Variants in LPL observed in about 807,000 individuals in gnomAD.
LPL encodes the protein lipoprotein lipase, also known as phospholipase A1.
Under a neutral mutation model 52.2 loss-of-function variants are expected in LPL, and 43 were observed. The ratio of observed to expected loss-of-function variants is 0.82; its 90% CI spans 0.64 to 1.06. The LOEUF (loss-of-function observed/expected upper bound fraction) is 1.06. Among genes scored for constraint, LPL ranks in the 50% least tolerant of loss-of-function variants. LPL has a pLI of 0.00. For synonymous variants in LPL, 244 were observed against 215.6 expected (o/e 1.13, Z -1.15); for missense variants, 639 against 585.3 (o/e 1.09, Z -0.95).
At chr8:19,945,383 G>A (rs28645722) in intron 1 of LPL, among the ~76,000 whole-genome samples, 11,466 of 152,124 alleles carry the variant, frequency 0.075, 1,088 homozygotes, top group African/African-American at 0.23. Context: ...ACTAAGTGCC[G>A]ATAAGATTTA....
At chr8:19,962,053 C>T in intron 8 of LPL, 62 bp from the exon 9 acceptor site, 1 of 1,107,672 alleles carries the variant, frequency 9.0e-7, no homozygotes, top group Non-Finnish European at 1.4e-6. Context: ...CAGAACTGTA[C>T]CTTTGTGAAC....
At chr8:19,943,452 C>T (rs1285916362) in intron 1 of LPL, among the ~76,000 whole-genome samples, 5 of 152,148 alleles carry the variant, frequency 3.3e-5, no homozygotes, top group Admixed American at 1.3e-4. Context: ...AAAAGAATAG[C>T]GTCCCCATGT....
intron 5 of LPL, among the ~76,000 whole-genome samples, chr8:19,954,669 T>C (rs1340310461): frequency 1.3e-5 from 2 of 152,194 alleles, no homozygotes; most frequent in Non-Finnish European, 2.9e-5. Flanking sequence ...CCACATGTTG[T>C]CATACCTTGA....
intron 4 of LPL, among the ~76,000 whole-genome samples, chr8:19,953,659 G>A (rs563357620): frequency 6.6e-6 from 1 of 152,242 alleles, no homozygotes; most frequent in Admixed American, 6.5e-5. Flanking sequence ...TACACACAAT[G>A]CCTGCAGATT....
chr8:19,946,649 G>C (rs535072824), intron 1 of LPL: 22 of 183,744 alleles, frequency 1.2e-4, no homozygotes, highest in Non-Finnish European at 2.1e-4. Context: ...CTGAAATTTC[G>C]AACGGCAAAA....
rs746656081 is a variant in LPL at position 19,944,945 on chromosome 8, C to T, written c.89-3235C>T. 2.0e-5 allele frequency among the ~76,000 whole-genome samples: 3 copies of T among 151,980 alleles called. No individual in the cohort carries two copies. In the East Asian group the frequency reaches 5.8e-4, roughly 29 times the overall value. ...TGCTAAGTTAAATTCAGAATGAAGG[C>T]CTGCCTTTCCTTCCCTCCTTCCTTC... On this transcript the variant is annotated intron_variant, in intron 1 of 9. Coordinates refer to ENST00000650287, the MANE Select transcript of LPL (RefSeq NM_000237.3). The surrounding 1 kb of genome is among the most constrained non-coding windows in gnomAD (Gnocchi z 4.2).
At chr8:19,959,788 T>TC (rs2070021478) in intron 7 of LPL, among the ~76,000 whole-genome samples, 3 of 129,978 alleles carry the variant, frequency 2.3e-5, no homozygotes, top group Non-Finnish European at 3.3e-5. Context: ...TTTTTTTTTT[T>TC]TTTTTTTTTT....
intron 1 of LPL, among the ~76,000 whole-genome samples, chr8:19,945,951 G>A (rs1302883519): frequency 2.0e-5 from 3 of 152,174 alleles, no homozygotes; most frequent in African/African-American, 7.2e-5. Flanking sequence ...GGGAGAGGGT[G>A]AAATTAGTTT....
intron 1 of LPL, 41 bp from the exon 2 acceptor site, chr8:19,948,139 C>A: frequency 6.3e-7 from 1 of 1,591,262 alleles, no homozygotes; most frequent in East Asian, 2.2e-5. Flanking sequence ...TAAAATCAAG[C>A]AACCCTCCAG....
chr8:19,951,578 G>C, intron 2 of LPL, 191 bp from the exon 3 acceptor site: 4 of 705,532 alleles, frequency 5.7e-6, no homozygotes, highest in Non-Finnish European at 1.0e-5. Flanking sequence ...ATGCCTTCCT[G>C]GCTTACTTAG....
rs2069936590 is a variant in LPL, at chr8:19,951,810, C to T, written c.291C>T (p.Ala97=). The part of the protein sequence containing the change: ...MYESWVPKLV[A]ALYKREPDSN... ...AGAGTTGGGTGCCAAAACTTGTGGC[C>T]GCCCTGTACAAGAGAGAACCAGACT... Residue 97 remains alanine, a synonymous_variant, in exon 3 of 10, where the codon GCC becomes GCT. Coordinates refer to ENST00000650287, the MANE Select transcript of LPL (RefSeq NM_000237.3). 2 of 1,613,936 alleles carry T rather than the reference C, an allele frequency of 1.2e-6. No homozygotes were observed. The highest frequency in any genetic ancestry group is 1.3e-5 in the African/African-American group (1 of 74,882).
intron 4 of LPL, among the ~76,000 whole-genome samples, chr8:19,953,911 G>A (rs995656403): frequency 6.6e-6 from 1 of 152,152 alleles, no homozygotes; most frequent in African/African-American, 2.4e-5. Flanking sequence ...GGAAACTGCT[G>A]CATAAGGCTA....
At position 19,952,184 on chromosome 8, in the gene LPL, T is replaced by C. The variant is rs73667472; in HGVS notation, c.429+236T>C. On this transcript the variant is annotated intron_variant, in intron 3 of 9. Transcript: ENST00000650287. ...TATCGTTTGATATTTTCACAGTGAA[T>C]AGATCTGCTGAGACCAATAACTAAG... Among the ~76,000 whole-genome samples, 15,023 of 152,164 alleles carry C rather than the reference T, an allele frequency of 0.099. 908 individuals are homozygous for C. Among genetic ancestry groups the C allele is most frequent in the African/African-American group, 0.16 (6,586 of 41,482 alleles).
chr8:19,948,595 G>C, intron 2 of LPL: 1 of 463,580 alleles, frequency 2.2e-6, no homozygotes, highest in Non-Finnish European at 3.9e-6. Flanking sequence ...CTGCGAGGTT[G>C]GTAAAGGATG....
Position 19,950,420 on chromosome 8 carries a change from G to A in LPL, c.250-1349G>A, listed in dbSNP as rs1479940772. The stretch of plus-strand genomic sequence containing the variant: ...GTATTTTATGTTGATCAGAAAGAAA[G>A]GATTCAATTAGCTATTGTTCGGTTA... On this transcript the variant is annotated intron_variant, in intron 2 of 9. Coordinates refer to ENST00000650287, the MANE Select transcript of LPL (RefSeq NM_000237.3). The surrounding 1 kb of genome is among the most constrained non-coding windows in gnomAD (Gnocchi z 4.2). Among the ~76,000 whole-genome samples, 1 of 152,184 alleles carries A rather than the reference G, an allele frequency of 6.6e-6. No homozygotes were observed. The highest frequency in any genetic ancestry group is 6.5e-5 in the Admixed American group (1 of 15,270).
intron 2 of LPL, among the ~76,000 whole-genome samples, chr8:19,949,568 C>T (rs960143635): frequency 6.6e-6 from 1 of 152,158 alleles, no homozygotes; most frequent in African/African-American, 2.4e-5. Flanking sequence ...CTGCAACCTC[C>T]GCCACCTGGG....
intron 1 of LPL, among the ~76,000 whole-genome samples, chr8:19,942,641 CA>C (rs2069850450): frequency 6.6e-6 from 1 of 152,160 alleles, no homozygotes; most frequent in South Asian, 2.1e-4. Flanking sequence ...TCTGTCTTTG[CA>C]AAAGTTGAAG....
In LPL at chr8:19,962,220, G is replaced by C. The variant is rs1205245935; in HGVS notation, c.1427+1G>C. ...AGTCTCTGAATAAGAAGTCAGGCTGGTGAGCATTCTGGGCTAAAGCTGACT... is the reference window on the plus strand; with the variant it reads ...AGTCTCTGAATAAGAAGTCAGGCTGCTGAGCATTCTGGGCTAAAGCTGACT... On this transcript the variant is annotated splice_donor_variant, in intron 9 of 9. Coordinates refer to ENST00000650287, the MANE Select transcript of LPL (RefSeq NM_000237.3). LOFTEE classifies it high-confidence loss of function. 3 of 1,612,650 alleles carry C rather than the reference G, an allele frequency of 1.9e-6. No homozygotes were observed. The highest frequency in any genetic ancestry group is 1.1e-5 in the South Asian group (1 of 91,024).
At chr8:19,955,723 C>A in intron 5 of LPL, 118 bp from the exon 6 acceptor site, 1 of 1,315,640 alleles carries the variant, frequency 7.6e-7, no homozygotes, top group Non-Finnish European at 1.1e-6. Context: ...ATGCACAGGA[C>A]TATATCCTTG....
Sources: allele counts gnomAD v4.1 joint callset (sites outside exome capture counted in the v4.1 genomes callset), GRCh38; gene constraint gnomAD v4.1.1; non-coding constraint Gnocchi (gnomAD v3.1); transcripts MANE v1.5; gene names NCBI Gene and HGNC (gene_info 2026-07-23, HGNC 2026-07-21).